PLD1: variants seen among roughly 807,000 people sequenced by gnomAD.
PLD1 encodes choline phosphatase 1.
Under a neutral mutation model 137.1 loss-of-function variants are expected in PLD1, and 112 were observed. The ratio of observed to expected loss-of-function variants is 0.82; its 90% CI spans 0.70 to 0.96. The LOEUF is 0.96. PLD1 is among the 40% of genes least tolerant of loss of function. PLD1 has a pLI of 0.00. For synonymous variants in PLD1, 431 were observed against 454.7 expected, an observed-to-expected ratio of 0.95 and a Z score of 0.66; for missense variants, 1,321 against 1,342.0, an observed-to-expected ratio of 0.98 and a Z score of 0.24.
intron 6 of PLD1, among the ~76,000 whole-genome samples, chr3:171,732,684 A>G (rs1056275864): frequency 6.6e-6 from 1 of 152,354 alleles, no homozygotes; most frequent in East Asian, 1.9e-4. Flanking sequence ...AGATGCATAC[A>G]GCCCCCATAA....
At position 171,764,876 on chromosome 3, in the gene PLD1, AAAGAAAGAAAGAAAGAAAGG is replaced by A. The variant is rs1331563572; in HGVS notation, c.-31-26814_-31-26795del. Among the ~76,000 whole-genome samples the A allele has an allele frequency of 9.5e-3, 242 of 25,530 alleles. 24 individuals are homozygous for A. The highest frequency in any genetic ancestry group is 0.015 in the Non-Finnish European group (166 of 11,042). 16.7% of individuals were successfully genotyped at this position (25,530 alleles called of 152,430 possible). A position where few individuals can be genotyped will look rare whatever the true frequency, so the allele number is the denominator to read the frequency against. Reference sequence around the variant, plus strand: ...GAAAGAAAGAAAGAAAGAAAGAAAGAAAGAAAGAAAGAAAGAAAGGAAGGAAGGAAGGAAGGAAAGAAAGA... The same window carrying A: ...GAAAGAAAGAAAGAAAGAAAGAAAGAAAGGAAGGAAGGAAGGAAAGAAAGA... On this transcript the variant is annotated intron_variant, in intron 1 of 26. Transcript: ENST00000351298.
At chr3:171,751,775 C>T (rs568313813) in intron 1 of PLD1, among the ~76,000 whole-genome samples, 2 of 152,146 alleles carry the variant, frequency 1.3e-5, no homozygotes, top group South Asian at 2.1e-4. Flanking sequence ...CCAAGACAGG[C>T]GGATCACGAG....
rs547836182 is a variant in PLD1 at position 171,644,768 on chromosome 3, G to A, written c.2543+142C>T. ...ATTTGAATTTTATCAACTAGCAAAC[G>A]GGCCAAGATTTGAAAGTAAAATAAA... On this transcript the variant is annotated intron_variant, in intron 22 of 26. Coordinates refer to ENST00000351298, the MANE Select transcript of PLD1 (RefSeq NM_002662.5). 42 of 613,308 alleles carry A rather than the reference G, an allele frequency of 6.8e-5. No individual in the cohort carries two copies. In the East Asian group the frequency reaches 1.1e-3, roughly 16 times the overall value. The allele number at this position is 613,308 out of a possible 1,614,324, so 38.0% of individuals were successfully genotyped here. A position where few individuals can be genotyped will look rare whatever the true frequency, so the allele number is the denominator to read the frequency against.
intron 9 of PLD1, among the ~76,000 whole-genome samples, chr3:171,712,465 G>A (rs143265074): frequency 1.4e-3 from 206 of 152,288 alleles, no homozygotes; most frequent in African/African-American, 4.7e-3. Context: ...TCAGTATCAA[G>A]GGGGAAAACA....
intron 19 of PLD1, among the ~76,000 whole-genome samples, chr3:171,672,122 C>G (rs1225934008): frequency 6.6e-6 from 1 of 152,188 alleles, no homozygotes; most frequent in Non-Finnish European, 1.5e-5. Flanking sequence ...TTCTGTCCCT[C>G]TGGATTTCCA....
intron 19 of PLD1, among the ~76,000 whole-genome samples, chr3:171,669,885 G>A (rs192786638): frequency 1.1e-4 from 17 of 152,258 alleles, no homozygotes; most frequent in African/African-American, 2.9e-4. Context: ...TAATTTTCCC[G>A]AGGTTACACA....
At chr3:171,697,443 G>A (rs1200894956) in intron 12 of PLD1, among the ~76,000 whole-genome samples, 4 of 151,272 alleles carry the variant, frequency 2.6e-5, no homozygotes, top group Non-Finnish European at 5.9e-5. Flanking sequence ...GACGGGGTCC[G>A]ACACATTATT....
At chr3:171,695,991 C>G (rs2108531595) in intron 12 of PLD1, among the ~76,000 whole-genome samples, 1 of 152,282 alleles carries the variant, frequency 6.6e-6, no homozygotes, top group Admixed American at 6.5e-5. Context: ...TGTTGCCCAC[C>G]ACTTTGATAA....
chr3:171,603,029 G>A lies in PLD1; in HGVS notation c.*49C>T. ...TGACATCCCCAGGAAGTCACTGTGTGCAGTGTGGTCTCCAGGGTGGAAGTC... is the reference window on the plus strand; with the variant it reads ...TGACATCCCCAGGAAGTCACTGTGTACAGTGTGGTCTCCAGGGTGGAAGTC... On this transcript the variant is annotated 3_prime_UTR_variant, in exon 27 of 27. Transcript: ENST00000351298. 7.6e-7 allele frequency: 1 copy of A among 1,317,278 alleles called. No homozygotes were observed. Among genetic ancestry groups the A allele is most frequent in the Non-Finnish European group, 1.1e-6 (1 of 916,548 alleles). The allele number at this position is 1,317,278 out of a possible 1,614,324, so 81.6% of individuals were successfully genotyped here. A position where few individuals can be genotyped will look rare whatever the true frequency, so the allele number is the denominator to read the frequency against.
chr3:171,625,969 C>A (rs905450415), intron 23 of PLD1, among the ~76,000 whole-genome samples: 1 of 152,192 alleles, frequency 6.6e-6, no homozygotes, highest in African/African-American at 2.4e-5. Context: ...AGGAATGCAG[C>A]TCCTCACCAG....
chr3:171,662,616 C>T (rs1711631196), intron 19 of PLD1, among the ~76,000 whole-genome samples: 1 of 152,198 alleles, frequency 6.6e-6, no homozygotes, highest in African/African-American at 2.4e-5. Context: ...CATCTTTACT[C>T]TTAAAAGGGT....
At chr3:171,609,538 ACACACACAC>A (rs1732486220) in intron 25 of PLD1, among the ~76,000 whole-genome samples, 1 of 146,710 alleles carries the variant, frequency 6.8e-6, no homozygotes, top group Admixed American at 6.6e-5. Context: ...ACACACACAC[ACACACACAC>A]ACACACACCA....
intron 25 of PLD1, among the ~76,000 whole-genome samples, chr3:171,608,666 C>T (rs1039862640): frequency 1.3e-5 from 2 of 151,982 alleles, no homozygotes; most frequent in African/African-American, 4.8e-5. Flanking sequence ...ATAAGAGAGG[C>T]GAAGAGTCCT....
chr3:171,695,589 A>C (rs1013396998), intron 12 of PLD1, among the ~76,000 whole-genome samples: 2 of 152,272 alleles, frequency 1.3e-5, no homozygotes, highest in African/African-American at 2.4e-5. Flanking sequence ...TTCAAACTAC[A>C]TGGGAAGACA....
intron 9 of PLD1, among the ~76,000 whole-genome samples, chr3:171,712,383 C>T (rs1196924673): frequency 1.3e-5 from 2 of 151,918 alleles, no homozygotes; most frequent in East Asian, 1.9e-4. Flanking sequence ...TAAAAAGCCT[C>T]GGAAAAACAG....
At chr3:171,654,087 G>T (rs1049706605) in intron 21 of PLD1, 6 of 378,756 alleles carry the variant, frequency 1.6e-5, no homozygotes, top group Non-Finnish European at 2.6e-5. Flanking sequence ...GATCACTTGA[G>T]GTTAGGAGTT....
intron 1 of PLD1, among the ~76,000 whole-genome samples, chr3:171,764,897 AAGGAAGGAAGG>A (rs1721782943): frequency 2.9e-4 from 8 of 28,062 alleles, no homozygotes; most frequent in African/African-American, 5.9e-4. Flanking sequence ...GAAAGAAAGG[AAGGAAGGAAGG>A]AAGGAAAGAA....
At chr3:171,726,915 C>T (rs1464284421) in intron 6 of PLD1, among the ~76,000 whole-genome samples, 1 of 152,166 alleles carries the variant, frequency 6.6e-6, no homozygotes, top group Non-Finnish European at 1.5e-5. Context: ...AAGAGCCAGA[C>T]AGTAAATATT....
At chr3:171,645,529 C>A (rs2108382802) in intron 21 of PLD1, among the ~76,000 whole-genome samples, 1 of 152,258 alleles carries the variant, frequency 6.6e-6, no homozygotes, top group South Asian at 2.1e-4. Flanking sequence ...CAGAAGTCAT[C>A]ATTATCTACT....
Sources: allele counts gnomAD v4.1 joint callset (sites outside exome capture counted in the v4.1 genomes callset), GRCh38; gene constraint gnomAD v4.1.1; transcripts MANE v1.5; gene names NCBI Gene and HGNC (gene_info 2026-07-23, HGNC 2026-07-21).